The following EXOC6B variants were observed in gnomAD, a reference collection of about 807,000 sequenced individuals.
EXOC6B encodes the protein exocyst complex component 6B, also known as SEC15 homolog B.
A neutral mutation model predicts 113.5 loss-of-function variants in EXOC6B; 54 were observed. The ratio of observed to expected loss-of-function variants is 0.48; its 90% CI spans 0.38 to 0.60. The LOEUF is 0.60. Among genes scored for constraint, EXOC6B ranks in the 20% least tolerant of loss-of-function variants. EXOC6B has a pLI of 0.00. For synonymous variants in EXOC6B, 357 were observed against 339.0 expected (o/e 1.05, Z -0.58); for missense variants, 797 against 977.5 (o/e 0.82, Z 2.46).
At chr2:72,531,684 T>G (rs1477706419) in intron 8 of EXOC6B, among the ~76,000 whole-genome samples, 1 of 152,088 alleles carries the variant, frequency 6.6e-6, no homozygotes, top group African/African-American at 2.4e-5. Context: ...TTAAAAGACT[T>G]GTGTAAGAAT....
intron 18 of EXOC6B, among the ~76,000 whole-genome samples, chr2:72,424,379 A>G (rs996722011): frequency 2.0e-5 from 3 of 152,066 alleles, no homozygotes; most frequent in African/African-American, 7.2e-5. Flanking sequence ...TAGTACATAT[A>G]AGACTTGTGT....
At chr2:72,481,833 AG>A in intron 16 of EXOC6B, among the ~76,000 whole-genome samples, 1 of 152,316 alleles carries the variant, frequency 6.6e-6, no homozygotes, top group Middle Eastern at 3.4e-3. Flanking sequence ...TTAAAAAAAA[AG>A]TTGTCTTCTA....
At chr2:72,456,048 G>A (rs1697213529) in intron 18 of EXOC6B, among the ~76,000 whole-genome samples, 1 of 152,048 alleles carries the variant, frequency 6.6e-6, no homozygotes, top group African/African-American at 2.4e-5. Flanking sequence ...TTCCATATTT[G>A]TTAAATGGGG....
chr2:72,508,720 G>T (rs546213632), intron 11 of EXOC6B, among the ~76,000 whole-genome samples: 17 of 152,244 alleles, frequency 1.1e-4, no homozygotes, highest in African/African-American at 4.1e-4. Context: ...GTCGCAGTGA[G>T]CTGAGATCGC....
chr2:72,698,929 G>C (rs928671912), intron 6 of EXOC6B, among the ~76,000 whole-genome samples: 11 of 152,154 alleles, frequency 7.2e-5, no homozygotes, highest in Admixed American at 6.5e-4. Context: ...GAACATCCCA[G>C]AATATACTAC....
intron 6 of EXOC6B, among the ~76,000 whole-genome samples, chr2:72,576,200 G>A (rs919245292): frequency 6.6e-6 from 1 of 152,056 alleles, no homozygotes; most frequent in Non-Finnish European, 1.5e-5. Flanking sequence ...ATAAAATCAG[G>A]AGAATGAATT....
At chr2:72,493,165 T>C (rs927916914) in intron 15 of EXOC6B, among the ~76,000 whole-genome samples, 1 of 152,130 alleles carries the variant, frequency 6.6e-6, no homozygotes, top group African/African-American at 2.4e-5. Context: ...ACATGAATGG[T>C]AGTTACACCT....
chr2:72,312,989 C>G (rs1687295761), intron 20 of EXOC6B, among the ~76,000 whole-genome samples: 1 of 152,022 alleles, frequency 6.6e-6, no homozygotes, highest in Non-Finnish European at 1.5e-5. Context: ...GAAGGTGGCT[C>G]CATTATTGCT....
intron 20 of EXOC6B, among the ~76,000 whole-genome samples, chr2:72,258,361 CTT>C (rs967346322): frequency 7.2e-5 from 9 of 124,816 alleles, no homozygotes; most frequent in Admixed American, 1.6e-4. Flanking sequence ...TTATCTTTTT[CTT>C]TTTTTTTTTT....
intron 1 of EXOC6B, among the ~76,000 whole-genome samples, chr2:72,823,748 T>A (rs1236116014): frequency 6.6e-6 from 1 of 151,450 alleles, no homozygotes; most frequent in African/African-American, 2.4e-5. Context: ...GCCACTGCAC[T>A]CTAGCCTGAG....
At chr2:72,502,313 C>G (rs748490674) in intron 11 of EXOC6B, among the ~76,000 whole-genome samples, 3 of 152,074 alleles carry the variant, frequency 2.0e-5, no homozygotes, top group Non-Finnish European at 4.4e-5. Flanking sequence ...TTTGGGAGAC[C>G]AAGGCCAGCA....
At chr2:72,493,551 G>C (rs1226599665) in intron 15 of EXOC6B, among the ~76,000 whole-genome samples, 1 of 151,444 alleles carries the variant, frequency 6.6e-6, no homozygotes, top group Non-Finnish European at 1.5e-5. Context: ...GTTCTTTATC[G>C]CCTGAATTCT....
intron 5 of EXOC6B, among the ~76,000 whole-genome samples, chr2:72,729,217 G>A (rs1680488969): frequency 6.6e-6 from 1 of 151,808 alleles, no homozygotes; most frequent in Non-Finnish European, 1.5e-5. Flanking sequence ...GTTTCCTCAG[G>A]GGAGTAAGGA....
At chr2:72,226,593 T>C (rs1681255818) in intron 20 of EXOC6B, among the ~76,000 whole-genome samples, 1 of 152,194 alleles carries the variant, frequency 6.6e-6, no homozygotes, top group East Asian at 1.9e-4. Context: ...AATGTGTAAG[T>C]TGTTTCATTA....
At chr2:72,451,566 T>C (rs1436202009) in intron 18 of EXOC6B, among the ~76,000 whole-genome samples, 1 of 152,132 alleles carries the variant, frequency 6.6e-6, no homozygotes, top group Non-Finnish European at 1.5e-5. Context: ...CAAGTGGATG[T>C]CCTTAACAGA....
At chr2:72,440,425 A>G (rs1696132531) in intron 18 of EXOC6B, among the ~76,000 whole-genome samples, 2 of 152,116 alleles carry the variant, frequency 1.3e-5, no homozygotes, top group Non-Finnish European at 2.9e-5. Context: ...TCAAAATTTC[A>G]TATCTGGCCA....
chr2:72,559,435 A>C lies in EXOC6B; in HGVS notation c.915+18T>G. ...CTCAATGGACATCTTTATTAGGCAG[A>C]GCCAGATAAAGACTCACCAGGACAG... On this transcript the variant is annotated intron_variant, in intron 8 of 21. Coordinates refer to ENST00000272427, the MANE Select transcript of EXOC6B (RefSeq NM_015189.3). 1 of 1,526,864 alleles carries C rather than the reference A, an allele frequency of 6.5e-7. No homozygotes were observed. 94.6% of individuals were successfully genotyped at this position (1,526,864 alleles called of 1,614,324 possible).
intron 11 of EXOC6B, among the ~76,000 whole-genome samples, chr2:72,502,471 C>A (rs1700376084): frequency 6.6e-6 from 1 of 152,158 alleles, no homozygotes; most frequent in Non-Finnish European, 1.5e-5. Context: ...TTGCTTGAAC[C>A]CGGGAGGCAG....
chr2:72,555,259 G>T (rs1703475327), intron 8 of EXOC6B, among the ~76,000 whole-genome samples: 1 of 152,090 alleles, frequency 6.6e-6, no homozygotes, highest in Non-Finnish European at 1.5e-5. Context: ...ATAATCCTTT[G>T]GGTATATACC....
Sources: allele counts gnomAD v4.1 joint callset (sites outside exome capture counted in the v4.1 genomes callset), GRCh38; gene constraint gnomAD v4.1.1; transcripts MANE v1.5; gene names NCBI Gene and HGNC (gene_info 2026-07-23, HGNC 2026-07-21).